MYH2: variants seen among roughly 807,000 people sequenced by gnomAD.
MYH2 encodes myosin-2.
MYH2 carries 139 observed loss-of-function variants against 228.1 expected under a neutral mutation model. The ratio of observed to expected loss-of-function variants is 0.61; its 90% CI spans 0.53 to 0.70. MYH2 has a LOEUF of 0.70. MYH2 is among the 30% of genes least tolerant of loss of function. MYH2 has a pLI of 0.00. For missense variants in MYH2, 1,809 were observed against 2,357.5 expected (o/e 0.77, Z 4.82); for synonymous variants, 796 against 871.1 (o/e 0.91, Z 1.52).
In MYH2 at chr17:10,539,959, A is replaced by G. The variant is rs1047801462; in HGVS notation, c.1116T>C (p.Arg372=). Reference sequence around the variant, plus strand: ...TGCCATCTGGCTCTGCTTGCTCCTCACGCTGCTTTTGCTTAAATTTTAGGT... The same window carrying G: ...TGCCATCTGGCTCTGCTTGCTCCTCGCGCTGCTTTTGCTTAAATTTTAGGT... The part of the protein sequence containing the change: ...YGNLKFKQKQ[R]EEQAEPDGTE... Residue 372 remains arginine (R), a synonymous_variant, in exon 12 of 40, where the codon CGT becomes CGC. Transcript: ENST00000245503. 1 of 1,613,914 alleles carries G rather than the reference A, an allele frequency of 6.2e-7. No homozygotes were observed. The highest frequency in any genetic ancestry group is 1.3e-5 in the African/African-American group (1 of 74,974).
rs202132767 is a variant in MYH2 at position 10,547,490 on chromosome 17, T to A, written c.333A>T (p.Ala111=). 7 of 1,614,172 alleles carry A rather than the reference T, an allele frequency of 4.3e-6. No individual in the cohort carries two copies. The highest frequency in any genetic ancestry group is 4.2e-6 in the Non-Finnish European group (5 of 1,180,026). ...GGACACTCACGTAGATCATCCAGGCTGCATAACGTTCTTTGAGGTTGTACA... is the reference window on the plus strand; with the variant it reads ...GGACACTCACGTAGATCATCCAGGCAGCATAACGTTCTTTGAGGTTGTACA... ...AVLYNLKERY[A]AWMIYTYSGL... Residue 111 remains alanine (A), a synonymous_variant, in exon 4 of 40, where the codon GCA becomes GCT. Coordinates refer to ENST00000245503, the MANE Select transcript of MYH2 (RefSeq NM_017534.6).
Position 10,524,642 on chromosome 17 carries a change from G to C in MYH2, c.4999C>G (p.Leu1667Val), listed in dbSNP as rs771212882. 1.2e-6 allele frequency: 2 copies of C among 1,614,118 alleles called. No individual in the cohort carries two copies. Among genetic ancestry groups the C allele is most frequent in the Non-Finnish European group, 1.7e-6 (2 of 1,180,056 alleles). The change falls in exon 35 of 40, where the codon CTC becomes GTC. Residue 1667 changes from leucine (L) to valine (V), a missense_variant. Leu to Val is a conservative substitution (Grantham distance 32, BLOSUM62 1). Transcript: ENST00000245503. This position sits in a 1 kb window ranked among gnomAD's most constrained non-coding sequence, Gnocchi z 4.7. ...TCCTTCAGGTCCTCCTGGCTCCGGAGAGCATCATCCAGGTGGATCTGGGTA... is the reference window on the plus strand; with the variant it reads ...TCCTTCAGGTCCTCCTGGCTCCGGACAGCATCATCCAGGTGGATCTGGGTA... The part of the protein sequence containing the change: ...KDTQIHLDDA[L>V]RSQEDLKEQL...
rs117959350 is a variant in MYH2 at position 10,525,980 on chromosome 17, C to T, written c.4188-104G>A. The T allele has an allele frequency of 2.1e-4, 274 of 1,276,324 alleles. 2 individuals are homozygous for T. The East Asian group carries it at 4.1e-3, about 19-fold the overall frequency. 79.1% of individuals were successfully genotyped at this position (1,276,324 alleles called of 1,614,324 possible). A position where few individuals can be genotyped will look rare whatever the true frequency, so the allele number is the denominator to read the frequency against. Reference sequence around the variant, plus strand: ...GTTAGAAACTTCACATTAATGCTGCCCAGCCACCTTTCATTCTTTCAACAA... The same window carrying T: ...GTTAGAAACTTCACATTAATGCTGCTCAGCCACCTTTCATTCTTTCAACAA... On this transcript the variant is annotated intron_variant, in intron 30 of 39. Coordinates refer to ENST00000245503, the MANE Select transcript of MYH2 (RefSeq NM_017534.6). The surrounding 1 kb of genome is among the most constrained non-coding windows in gnomAD (Gnocchi z 4.2).
rs746906633 is a variant in MYH2, at chr17:10,526,811, C to T, written c.3991-16G>A. On this transcript the variant is annotated splice_polypyrimidine_tract_variant and intron_variant, in intron 29 of 39. Transcript: ENST00000245503. Reference sequence around the variant, plus strand: ...CGTTCTTGGCCTATGGAGGCAGTTACACCTTCATTTTACTGGATATTTAAA... The same window carrying T: ...CGTTCTTGGCCTATGGAGGCAGTTATACCTTCATTTTACTGGATATTTAAA... 1 of 1,614,268 alleles carries T rather than the reference C, an allele frequency of 6.2e-7. No homozygotes were observed. The highest frequency in any genetic ancestry group is 8.5e-7 in the Non-Finnish European group (1 of 1,180,046).
At position 10,539,131 on chromosome 17, in the gene MYH2, T is replaced by A. The variant is rs73974759; in HGVS notation, c.1416+74A>T. 4,399 of 1,611,512 alleles carry A rather than the reference T, an allele frequency of 2.7e-3. 109 individuals are homozygous for A. The African/African-American group carries it at 0.053, about 19-fold the overall frequency. On this transcript the variant is annotated intron_variant, in intron 14 of 39. Transcript: ENST00000245503. ...ACAGTGGTAAGAAAAGGTCATAGTC[T>A]TCACTAATTCCTTCATATAGATATT...
intron 35 of MYH2, 65 bp from the exon 36 acceptor site, chr17:10,523,949 C>T: frequency 6.6e-7 from 1 of 1,522,646 alleles, no homozygotes; most frequent in Non-Finnish European, 8.9e-7. Context: ...GTAACCACTT[C>T]TTGAAAAAAA....
In MYH2 at chr17:10,524,043, A is replaced by T. The variant is rs1306954640; in HGVS notation, c.5176-159T>A. Among the ~76,000 whole-genome samples the T allele has an allele frequency of 1.3e-5, 2 of 152,274 alleles. No homozygotes were observed. Among genetic ancestry groups the T allele is most frequent in the African/African-American group, 4.8e-5 (2 of 41,476 alleles). ...GTGTTATGTAATATGATTAAATAAAATATAAATGTTATAGAATATTCAGCA... is the reference window on the plus strand; with the variant it reads ...GTGTTATGTAATATGATTAAATAAATTATAAATGTTATAGAATATTCAGCA... On this transcript the variant is annotated intron_variant, in intron 35 of 39. Coordinates refer to ENST00000245503, the MANE Select transcript of MYH2 (RefSeq NM_017534.6). The surrounding 1 kb of genome is among the most constrained non-coding windows in gnomAD (Gnocchi z 4.7).
At chr17:10,530,100 T>G in intron 22 of MYH2, 26 bp from the exon 23 acceptor site, 1 of 1,614,184 alleles carries the variant, frequency 6.2e-7, no homozygotes, top group South Asian at 1.1e-5. Flanking sequence ...AGATCAAAAT[T>G]GGGAAGAAAG....
intron 22 of MYH2, 43 bp from the exon 23 acceptor site, chr17:10,530,117 A>G: frequency 3.1e-6 from 5 of 1,613,382 alleles, no homozygotes; most frequent in Non-Finnish European, 4.2e-6. Context: ...AAAGAATGAA[A>G]TACTTCACAA....
chr17:10,544,491 A>G (rs1209487053), intron 5 of MYH2, among the ~76,000 whole-genome samples: 1 of 152,332 alleles, frequency 6.6e-6, no homozygotes, highest in East Asian at 1.9e-4. Context: ...AATAAACACC[A>G]AAAGTAGACT....
chr17:10,533,094 A>G (rs1567731844), intron 21 of MYH2, among the ~76,000 whole-genome samples, 191 bp downstream of exon 21: 1 of 152,108 alleles, frequency 6.6e-6, no homozygotes, highest in African/African-American at 2.4e-5. Flanking sequence ...TAACTTCTCA[A>G]GTTTTTACCC....
chr17:10,542,818 T>A (rs1359307358), intron 10 of MYH2, 57 bp downstream of exon 10: 5 of 1,167,554 alleles, frequency 4.3e-6, no homozygotes, highest in Non-Finnish European at 6.3e-6. Context: ...TAGGTTGGAC[T>A]GTGCATTGAT....
chr17:10,545,584 A>G lies in MYH2; in HGVS notation c.349-82T>C, dbSNP rs139287914. On this transcript the variant is annotated intron_variant, in intron 4 of 39. Coordinates refer to ENST00000245503, the MANE Select transcript of MYH2 (RefSeq NM_017534.6). The stretch of plus-strand genomic sequence containing the variant: ...AACTTATTAATTGAATGTTTTTTTG[A>G]GACAGGGTCTTGCTCTGTCACCCAG... The G allele has an allele frequency of 2.0e-3, 3,053 of 1,565,022 alleles. 64 individuals carry two copies. The African/African-American group carries it at 0.037, about 19-fold the overall frequency.
At position 10,529,919 on chromosome 17, in the gene MYH2, A is replaced by G; in HGVS notation, c.2853T>C (p.Asp951=). The change falls in exon 23 of 40, where the codon GAT becomes GAC. Residue 951 remains aspartate (D), a synonymous_variant. Coordinates refer to ENST00000245503, the MANE Select transcript of MYH2 (RefSeq NM_017534.6). ...ELTAKKRKLE[D]ECSELKKDID... ...TGTCTTTCTTGAGTTCTGAACATTC[A>G]TCCTCCAGTTTCCTCTTCTTGGCTG... 1.2e-6 allele frequency: 2 copies of G among 1,612,460 alleles called. No homozygotes were observed. The highest frequency in any genetic ancestry group is 1.7e-6 in the Non-Finnish European group (2 of 1,178,868).
chr17:10,529,315 A>G (rs772269284), intron 25 of MYH2, 21 bp downstream of exon 25: 2 of 1,613,932 alleles, frequency 1.2e-6, no homozygotes, highest in South Asian at 2.2e-5. Context: ...GCAAATCCAT[A>G]AGCAATTCTT....
In MYH2 at chr17:10,539,242, A is replaced by G. The variant is rs1387302753; in HGVS notation, c.1379T>C (p.Ile460Thr). 1 of 1,614,200 alleles carries G rather than the reference A, an allele frequency of 6.2e-7. No individual in the cohort carries two copies. The highest frequency in any genetic ancestry group is 8.5e-7 in the Non-Finnish European group (1 of 1,180,028). ...AAAACCAGCAATGTCCAAGACCCCG[A>G]TGAAGTACTGCCTGGGCTGCTTGGT... ...LDTKQPRQYFIGVLDIAGFEI... is the reference protein window; with the variant it reads ...LDTKQPRQYFTGVLDIAGFEI... Residue 460 changes from isoleucine to threonine, a missense_variant, in exon 14 of 40, where the codon ATC becomes ACC. Transcript: ENST00000245503.
In MYH2 at chr17:10,538,312, G is replaced by GA. The variant is rs34429660; in HGVS notation, c.1417-478dup. The stretch of plus-strand genomic sequence containing the variant: ...CCCCTGTTATTCTTTAATGTGAAAT[G>GA]AAAAAAAAAAAAGATCAAGATACCA... On this transcript the variant is annotated intron_variant, in intron 14 of 39. Coordinates refer to ENST00000245503, the MANE Select transcript of MYH2 (RefSeq NM_017534.6). 4.0e-3 allele frequency among the ~76,000 whole-genome samples: 544 copies of GA among 136,270 alleles called. 3 individuals are homozygous for GA. Among genetic ancestry groups the GA allele is most frequent in the South Asian group, 0.019 (83 of 4,338 alleles). 89.4% of individuals were successfully genotyped at this position (136,270 alleles called of 152,430 possible).
In MYH2 at chr17:10,523,887, GT is replaced by G; in HGVS notation, c.5176-4del. On this transcript the variant is annotated splice_region_variant and splice_polypyrimidine_tract_variant and intron_variant, in intron 35 of 39. Coordinates refer to ENST00000245503, the MANE Select transcript of MYH2 (RefSeq NM_017534.6). ...TTGGTGTTGATCAGGCTGGTGTTCT[GT>G]TTAAAAAGAATTTGTACATTTAAAA... 6.2e-7 allele frequency: 1 copy of G among 1,612,470 alleles called. No individual in the cohort carries two copies. The highest frequency in any genetic ancestry group is 8.5e-7 in the Non-Finnish European group (1 of 1,179,050).
At position 10,539,784 on chromosome 17, in the gene MYH2, C is replaced by T. The variant is rs2073529136; in HGVS notation, c.1147+144G>A. The T allele has an allele frequency of 6.2e-6, 8 of 1,282,792 alleles. No homozygotes were observed. In the South Asian group the frequency reaches 9.9e-5, roughly 16 times the overall value. 79.5% of individuals were successfully genotyped at this position (1,282,792 alleles called of 1,614,324 possible). A position where few individuals can be genotyped will look rare whatever the true frequency, so the allele number is the denominator to read the frequency against. On this transcript the variant is annotated intron_variant, in intron 12 of 39. Coordinates refer to ENST00000245503, the MANE Select transcript of MYH2 (RefSeq NM_017534.6). ...ACACCTACCTAGTGCTTATGTTTCC[C>T]ATTGCACATTATTTAGGTATACAGA...
Sources: gnomAD v4.1 joint callset for allele counts (sites outside exome capture counted in the v4.1 genomes callset) on GRCh38, gnomAD v4.1.1 for gene constraint, Gnocchi (gnomAD v3.1) non-coding constraint, MANE v1.5 for transcripts, NCBI Gene and HGNC (gene_info 2026-07-23, HGNC 2026-07-21) for gene names.